TUSC3: variants seen among roughly 807,000 people sequenced by gnomAD.
TUSC3 encodes tumor suppressor candidate 3.
TUSC3 carries 45 observed loss-of-function variants against 44.8 expected under a neutral mutation model. The ratio of observed to expected loss-of-function variants is 1.00; its 90% CI spans 0.79 to 1.29. The LOEUF is 1.29. TUSC3 is among the 50% of genes most tolerant of loss of function. TUSC3 has a pLI of 0.00. For missense variants in TUSC3, 519 were observed against 437.9 expected (o/e 1.19, Z -1.65); for synonymous variants, 212 against 152.9 (o/e 1.39, Z -2.85).
chr8:15,498,754 A>C (rs1252357383), intron 2 of TUSC3, among the ~76,000 whole-genome samples: 1 of 152,150 alleles, frequency 6.6e-6, no homozygotes, highest in African/African-American at 2.4e-5. Context: ...CCTTGAAATA[A>C]GGGTTTTCTT....
intron 7 of TUSC3, among the ~76,000 whole-genome samples, chr8:15,739,574 G>A (rs567538349): frequency 2.6e-5 from 4 of 152,226 alleles, no homozygotes; most frequent in Admixed American, 6.5e-5. Context: ...TTAAAGCAGC[G>A]TGAAACATAA....
the TUSC3 span, among the ~76,000 whole-genome samples, chr8:15,817,173 G>A: frequency 5.3e-5 from 8 of 152,258 alleles, no homozygotes; most frequent in Non-Finnish European, 1.0e-4. Flanking sequence ...AAAAACTCAG[G>A]TAGGTTTTTC....
intron 2 of TUSC3, among the ~76,000 whole-genome samples, chr8:15,487,962 C>T (rs539857552): frequency 2.5e-4 from 37 of 147,436 alleles, no homozygotes; most frequent in Non-Finnish European, 5.9e-5. Flanking sequence ...ACACTCTCGT[C>T]TGAAATTCAG....
chr8:15,826,604 TG>T, the TUSC3 span, among the ~76,000 whole-genome samples: 1 of 152,178 alleles, frequency 6.6e-6, no homozygotes, highest in African/African-American at 2.4e-5. Context: ...GGTAAAGTGC[TG>T]CTACCTTTTC....
At chr8:15,523,234 A>G (rs377491491) in intron 2 of TUSC3, among the ~76,000 whole-genome samples, 2 of 152,142 alleles carry the variant, frequency 1.3e-5, no homozygotes, top group Non-Finnish European at 2.9e-5. Context: ...GTATTGCCCA[A>G]TGCATCTGTG....
At chr8:15,850,735 C>A in the TUSC3 span, among the ~76,000 whole-genome samples, 1 of 152,074 alleles carries the variant, frequency 6.6e-6, no homozygotes, top group Admixed American at 6.6e-5. Flanking sequence ...ACGAAGATGC[C>A]ATAAAAAGAA....
chr8:15,798,962 T>C, the TUSC3 span, among the ~76,000 whole-genome samples: 1 of 152,200 alleles, frequency 6.6e-6, no homozygotes, highest in Non-Finnish European at 1.5e-5. Context: ...GTCTCCTATA[T>C]CAACATTGTA....
chr8:15,556,112 C>T (rs1436277071), intron 1 of TUSC3, among the ~76,000 whole-genome samples: 3 of 149,310 alleles, frequency 2.0e-5, no homozygotes, highest in South Asian at 2.2e-4. Context: ...CCCACTAACT[C>T]GTCATCTAGC....
intron 2 of TUSC3, among the ~76,000 whole-genome samples, chr8:15,515,913 C>G (rs1472910086): frequency 6.6e-6 from 1 of 152,090 alleles, no homozygotes; most frequent in Non-Finnish European, 1.5e-5. Flanking sequence ...TTGTGATCCA[C>G]CTTCCTTGGC....
intron 1 of TUSC3, among the ~76,000 whole-genome samples, chr8:15,586,037 A>T (rs1223922893): frequency 2.6e-5 from 4 of 152,202 alleles, no homozygotes; most frequent in Admixed American, 2.6e-4. Flanking sequence ...GGGAGTTATG[A>T]GGGGAACTAG....
chr8:15,431,908 A>G (rs1009962553), intron 1 of TUSC3, among the ~76,000 whole-genome samples: 13 of 152,040 alleles, frequency 8.6e-5, no homozygotes, highest in Admixed American at 6.6e-4. Flanking sequence ...TTCTGTGTCT[A>G]TTAGAAATTA....
chr8:15,639,869 A>T (rs139755510), intron 2 of TUSC3, among the ~76,000 whole-genome samples: 1 of 142,844 alleles, frequency 7.0e-6, no homozygotes, highest in Non-Finnish European at 1.5e-5. Flanking sequence ...CTTTCTTGTG[A>T]TAGGTTGTTG....
chr8:15,794,371 C>G, the TUSC3 span, among the ~76,000 whole-genome samples: 1 of 152,126 alleles, frequency 6.6e-6, no homozygotes, highest in Non-Finnish European at 1.5e-5. Context: ...ACTGGAAAAT[C>G]AGAGTGCATT....
At chr8:15,629,050 G>T (rs1805641500) in intron 2 of TUSC3, among the ~76,000 whole-genome samples, 1 of 152,174 alleles carries the variant, frequency 6.6e-6, no homozygotes, top group African/African-American at 2.4e-5. Context: ...TTGAAAATTA[G>T]CAAGTTGTCA....
the TUSC3 span, among the ~76,000 whole-genome samples, chr8:15,783,872 A>C: frequency 6.6e-6 from 1 of 152,208 alleles, no homozygotes; most frequent in Non-Finnish European, 1.5e-5. Context: ...ACGTGAAACA[A>C]AATCTTCTGC....
intron 1 of TUSC3, among the ~76,000 whole-genome samples, chr8:15,567,861 T>C (rs1296445234): frequency 6.6e-6 from 1 of 152,158 alleles, no homozygotes; most frequent in African/African-American, 2.4e-5. Context: ...ACTAAAAAAT[T>C]ACTAAGATGA....
chr8:15,559,261 C>A (rs540084765), intron 1 of TUSC3, among the ~76,000 whole-genome samples: 2 of 141,910 alleles, frequency 1.4e-5, no homozygotes, highest in African/African-American at 2.6e-5. Flanking sequence ...TTGTTATGTA[C>A]CCAGTAGTCA....
intron 6 of TUSC3, among the ~76,000 whole-genome samples, chr8:15,690,434 C>G (rs1229865540): frequency 2.0e-5 from 3 of 151,952 alleles, no homozygotes; most frequent in East Asian, 1.9e-4. Context: ...CAGCCACTTT[C>G]TCCTGTTCTG....
chr8:15,623,338 G>T, intron 2 of TUSC3, 89 bp downstream of exon 2: 2 of 1,296,152 alleles, frequency 1.5e-6, no homozygotes, highest in East Asian at 2.6e-5. Context: ...ATATATGTAA[G>T]ATAAACAGTT....
Sources: gnomAD v4.1 joint callset for allele counts (sites outside exome capture counted in the v4.1 genomes callset) on GRCh38, gnomAD v4.1.1 for gene constraint, MANE v1.5 for transcripts, NCBI Gene and HGNC (gene_info 2026-07-23, HGNC 2026-07-21) for gene names.